The following ULK4 variants were observed in gnomAD, a reference collection of about 807,000 sequenced individuals.
ULK4 encodes unc-51 like kinase 4.
Under a neutral mutation model 160.6 loss-of-function variants are expected in ULK4, and 133 were observed. The observed-to-expected ratio is 0.83, with a 90% CI of 0.72 to 0.96. The LOEUF is 0.96. ULK4 is among the 40% of genes least tolerant of loss of function. ULK4 has a pLI of 0.00. For missense variants in ULK4, 1,580 were observed against 1,499.5 expected (o/e 1.05, Z -0.89); for synonymous variants, 534 against 539.8 (o/e 0.99, Z 0.15).
intron 22 of ULK4, among the ~76,000 whole-genome samples, chr3:41,731,660 C>A: frequency 7.0e-6 from 1 of 142,922 alleles, no homozygotes. Context: ...CCCAAAGAGC[C>A]AAATCAATTT....
intron 17 of ULK4, among the ~76,000 whole-genome samples, chr3:41,872,543 T>A (rs1697135325): frequency 6.9e-6 from 1 of 145,632 alleles, no homozygotes; most frequent in Non-Finnish European, 1.5e-5. Context: ...TGCAGAAGGA[T>A]AAGCCAGTTA....
chr3:41,567,327 G>A (rs1004791892), intron 31 of ULK4, among the ~76,000 whole-genome samples: 11 of 151,676 alleles, frequency 7.3e-5, no homozygotes, highest in African/African-American at 2.7e-4. Flanking sequence ...AAGTACTCTG[G>A]CAAAAAAGAA....
At chr3:41,527,112 G>A (rs1460309371) in intron 32 of ULK4, among the ~76,000 whole-genome samples, 1 of 152,084 alleles carries the variant, frequency 6.6e-6, no homozygotes, top group Non-Finnish European at 1.5e-5. Flanking sequence ...TATTTTTATC[G>A]ACAAGGAAAC....
chr3:41,938,920 G>C (rs962010242), intron 2 of ULK4, among the ~76,000 whole-genome samples: 2 of 151,870 alleles, frequency 1.3e-5, no homozygotes, highest in Non-Finnish European at 2.9e-5. Context: ...AATTTTAAAG[G>C]GTAAAAATTT....
At chr3:41,685,362 T>G (rs2036066768) in intron 27 of ULK4, among the ~76,000 whole-genome samples, 1 of 152,158 alleles carries the variant, frequency 6.6e-6, no homozygotes, top group Admixed American at 6.5e-5. Flanking sequence ...CAGCTCACCC[T>G]CACCAGAGCA....
intron 16 of ULK4, among the ~76,000 whole-genome samples, chr3:41,893,299 C>T (rs1698034719): frequency 6.6e-6 from 1 of 152,102 alleles, no homozygotes; most frequent in South Asian, 2.1e-4. Context: ...TTAAATTATG[C>T]ATAATTTACA....
At chr3:41,940,421 T>C (rs751593700) in intron 2 of ULK4, among the ~76,000 whole-genome samples, 18 of 152,162 alleles carry the variant, frequency 1.2e-4, no homozygotes, top group Non-Finnish European at 2.6e-4. Context: ...CAGCAGGACC[T>C]GGACCAAACC....
chr3:41,541,611 C>T (rs1054590189), intron 32 of ULK4, among the ~76,000 whole-genome samples: 2 of 152,082 alleles, frequency 1.3e-5, no homozygotes, highest in Non-Finnish European at 2.9e-5. Context: ...TTACAAATTA[C>T]TTTGGGAAGT....
At chr3:41,884,881 G>A (rs1246996347) in intron 16 of ULK4, among the ~76,000 whole-genome samples, 1 of 152,124 alleles carries the variant, frequency 6.6e-6, no homozygotes, top group Non-Finnish European at 1.5e-5. Flanking sequence ...TGTAGAATTA[G>A]CATCCCACCT....
intron 31 of ULK4, among the ~76,000 whole-genome samples, chr3:41,598,175 C>T (rs1427244029): frequency 1.3e-5 from 2 of 152,146 alleles, no homozygotes; most frequent in Non-Finnish European, 2.9e-5. Context: ...TCACTCCCTC[C>T]CAATCAGCCA....
intron 30 of ULK4, among the ~76,000 whole-genome samples, chr3:41,643,219 G>T (rs529124266): frequency 8.5e-5 from 13 of 152,084 alleles, no homozygotes; most frequent in South Asian, 4.2e-4. Context: ...GTCAATTTTG[G>T]CTTTTGTTGC....
chr3:41,666,647 T>A (rs1300704697), intron 29 of ULK4, among the ~76,000 whole-genome samples: 1 of 152,188 alleles, frequency 6.6e-6, no homozygotes, highest in Admixed American at 6.5e-5. Flanking sequence ...CAAGACATAC[T>A]TGAATTACAG....
chr3:41,915,508 C>A (rs1290397083), intron 8 of ULK4: 1 of 153,834 alleles, frequency 6.5e-6, no homozygotes, highest in African/African-American at 2.4e-5. Flanking sequence ...ACAGAAAATT[C>A]ACAAGGTGCC....
chr3:41,646,863 C>G (rs969188696), intron 30 of ULK4, among the ~76,000 whole-genome samples: 60 of 152,162 alleles, frequency 3.9e-4, no homozygotes, highest in Admixed American at 1.3e-3. Flanking sequence ...TTCACATAGT[C>G]CCATATTTCT....
chr3:41,638,715 T>C (rs1220524825), intron 30 of ULK4, among the ~76,000 whole-genome samples: 3 of 152,196 alleles, frequency 2.0e-5, no homozygotes, highest in Non-Finnish European at 4.4e-5. Flanking sequence ...TTCTGGCCAA[T>C]AACTGTCATC....
chr3:41,602,169 GGATA>G (rs1462814251), intron 31 of ULK4, among the ~76,000 whole-genome samples: 1 of 151,426 alleles, frequency 6.6e-6, no homozygotes, highest in Non-Finnish European at 1.5e-5. Flanking sequence ...CCTAAAGCCT[GGATA>G]ACAGAGCAAG....
intron 32 of ULK4, among the ~76,000 whole-genome samples, chr3:41,532,455 A>T (rs1045661323): frequency 3.3e-5 from 5 of 152,160 alleles, no homozygotes; most frequent in African/African-American, 1.2e-4. Context: ...CATCTAACAA[A>T]CTTATCATCT....
chr3:41,732,962 AGG>A (rs1385388185), intron 22 of ULK4, among the ~76,000 whole-genome samples: 1 of 152,150 alleles, frequency 6.6e-6, no homozygotes, highest in African/African-American at 2.4e-5. Context: ...GGCTAAGGGC[AGG>A]GAGAGGGGGA....
intron 29 of ULK4, among the ~76,000 whole-genome samples, chr3:41,674,584 G>A (rs758880462): frequency 3.9e-5 from 6 of 152,162 alleles, no homozygotes; most frequent in Admixed American, 6.5e-5. Context: ...AAAACTGAAA[G>A]GAGGAAGTGA....
Sources: gnomAD v4.1 joint callset for allele counts (sites outside exome capture counted in the v4.1 genomes callset) on GRCh38, gnomAD v4.1.1 for gene constraint, MANE v1.5 for transcripts, NCBI Gene and HGNC (gene_info 2026-07-23, HGNC 2026-07-21) for gene names.